DIS3L2: variants seen among roughly 807,000 people sequenced by gnomAD.
The protein encoded by DIS3L2 is DIS3 like 3'-5' exoribonuclease 2, also known as DIS3-like exonuclease 2.
Under a neutral mutation model 97.5 loss-of-function variants are expected in DIS3L2, and 34 were observed. The ratio of observed to expected loss-of-function variants is 0.35; its 90% CI spans 0.27 to 0.46. The LOEUF (loss-of-function observed/expected upper bound fraction) is 0.46, where lower values mean the gene tolerates loss of function less well. Among genes scored for constraint, DIS3L2 ranks in the 20% least tolerant of loss-of-function variants. The probability of loss-of-function intolerance (pLI) is 1.00; values close to 1 mark genes in which losing one functional copy is unlikely to be tolerated. For synonymous variants in DIS3L2, 435 were observed against 445.2 expected (o/e 0.98, Z 0.29); for missense variants, 1,038 against 1,146.0 (o/e 0.91, Z 1.36).
intron 14 of DIS3L2, among the ~76,000 whole-genome samples, chr2:232,300,340 T>C (rs1423476378): frequency 1.3e-5 from 2 of 152,166 alleles, no homozygotes; most frequent in East Asian, 3.9e-4. Context: ...AGTTGTGGTG[T>C]GTTAGAAGTA....
intron 10 of DIS3L2, among the ~76,000 whole-genome samples, chr2:232,223,180 C>G (rs1178682765): frequency 6.6e-6 from 1 of 152,172 alleles, no homozygotes. Context: ...GTCAGGCATC[C>G]TCAAGTATCT....
intron 5 of DIS3L2, among the ~76,000 whole-genome samples, chr2:232,031,542 G>A (rs1333851334): frequency 6.7e-6 from 1 of 148,668 alleles, no homozygotes. Context: ...GGATACATGT[G>A]CCGAATGAGC....
In DIS3L2 at chr2:232,122,592, C is replaced by T. The variant is rs544343233; in HGVS notation, c.602-8027C>T. On this transcript the variant is annotated intron_variant, in intron 6 of 20. Coordinates refer to ENST00000325385, the MANE Select transcript of DIS3L2 (RefSeq NM_152383.5). ...AATTAGCCGGGCGTGGTGGCAGGTG[C>T]CTGTAATCCCAGCTACTCGGGAGGC... Among the ~76,000 whole-genome samples the T allele has an allele frequency of 2.5e-4, 38 of 152,256 alleles. 1 individual carries two copies. The South Asian group carries it at 7.9e-3, about 32-fold the overall frequency.
At chr2:232,028,321 G>C (rs1694715722) in intron 4 of DIS3L2, among the ~76,000 whole-genome samples, 1 of 152,144 alleles carries the variant, frequency 6.6e-6, no homozygotes, top group African/African-American at 2.4e-5. Flanking sequence ...CTAAAAAAGT[G>C]GTTAAAAGAG....
At chr2:232,333,758 T>TG in intron 16 of DIS3L2, 82 bp from the exon 17 acceptor site, 96 of 1,401,596 alleles carry the variant, frequency 6.8e-5, no homozygotes, top group Admixed American at 2.8e-4. Flanking sequence ...CTGCCGACGG[T>TG]GAGGCTGTGG....
chr2:232,291,299 A>T (rs1694592849), intron 13 of DIS3L2, among the ~76,000 whole-genome samples: 2 of 152,408 alleles, frequency 1.3e-5, no homozygotes, highest in South Asian at 4.1e-4. Flanking sequence ...AAAACTCAAG[A>T]TCATCTCTGA....
intron 1 of DIS3L2, among the ~76,000 whole-genome samples, chr2:232,007,367 C>G (rs571945308): frequency 2.6e-4 from 40 of 152,142 alleles, no homozygotes; most frequent in Non-Finnish European, 5.1e-4. Flanking sequence ...GTTGATACTT[C>G]CGCTCTCAGT....
chr2:232,162,101 T>C (rs1574917572), intron 8 of DIS3L2, among the ~76,000 whole-genome samples: 1 of 152,362 alleles, frequency 6.6e-6, no homozygotes, highest in Middle Eastern at 3.4e-3. Flanking sequence ...TTTTTATTTC[T>C]TCTTTAACCT....
chr2:232,155,164 TGC>T (rs1690451663), intron 8 of DIS3L2, among the ~76,000 whole-genome samples: 1 of 144,310 alleles, frequency 6.9e-6, no homozygotes, highest in Non-Finnish European at 1.5e-5. Flanking sequence ...ACCCGTCTTC[TGC>T]GTCGCTCACG....
rs760452178 is a variant in DIS3L2 at position 232,210,360 on chromosome 2, G to T, written c.1159G>T (p.Ala387Ser). The T allele has an allele frequency of 5.6e-6, 9 of 1,613,466 alleles. No homozygotes were observed. The highest frequency in any genetic ancestry group is 1.1e-5 in the South Asian group (1 of 91,060). Reference protein sequence around the residue: ...DCIFTIDPSTARDLDDALSCK... With the variant: ...DCIFTIDPSTSRDLDDALSCK... ...TATCTTCACCATTGACCCATCAACC[G>T]CCCGAGACCTCGATGATGCCCTCTC... Residue 387 changes from alanine (A) to serine (S), a missense_variant, in exon 10 of 21, where the codon GCC (alanine) becomes TCC (serine). Around this residue, in one of 3 missense-constraint regions of DIS3L2, gnomAD observed 813 missense variants for 880.1 expected, o/e 0.92. Coordinates refer to ENST00000325385, the MANE Select transcript of DIS3L2 (RefSeq NM_152383.5).
chr2:232,052,171 C>T (rs1192701398), intron 5 of DIS3L2, among the ~76,000 whole-genome samples: 1 of 151,956 alleles, frequency 6.6e-6, no homozygotes, highest in Non-Finnish European at 1.5e-5. Flanking sequence ...TACAGATGCC[C>T]ATCACCATGT....
At chr2:232,147,619 G>C (rs924039568) in intron 8 of DIS3L2, among the ~76,000 whole-genome samples, 1 of 152,130 alleles carries the variant, frequency 6.6e-6, no homozygotes, top group Admixed American at 6.5e-5. Flanking sequence ...ACATAACATT[G>C]AATCATAGTT....
intron 10 of DIS3L2, among the ~76,000 whole-genome samples, chr2:232,237,529 A>C (rs1029473322): frequency 1.3e-5 from 2 of 152,152 alleles, no homozygotes; most frequent in African/African-American, 4.8e-5. Flanking sequence ...TATTTGCTGG[A>C]GCTTACATGG....
intron 13 of DIS3L2, among the ~76,000 whole-genome samples, chr2:232,298,034 A>G (rs1694763970): frequency 6.6e-6 from 1 of 152,114 alleles, no homozygotes; most frequent in Non-Finnish European, 1.5e-5. Flanking sequence ...CCTTTTTTAC[A>G]TAGTCTTCAT....
At chr2:232,022,776 G>C (rs1003166809) in intron 3 of DIS3L2, among the ~76,000 whole-genome samples, 2 of 152,154 alleles carry the variant, frequency 1.3e-5, no homozygotes, top group African/African-American at 4.8e-5. Context: ...CATGCTATTC[G>C]TTAGGAAATA....
At chr2:232,092,444 G>C (rs1355407846) in intron 6 of DIS3L2, among the ~76,000 whole-genome samples, 1 of 151,870 alleles carries the variant, frequency 6.6e-6, no homozygotes, top group Non-Finnish European at 1.5e-5. Context: ...TATGAAGAGT[G>C]TCATTGGTAT....
At chr2:232,134,210 A>G (rs1048403138) in intron 7 of DIS3L2, among the ~76,000 whole-genome samples, 1 of 152,156 alleles carries the variant, frequency 6.6e-6, no homozygotes, top group African/African-American at 2.4e-5. Flanking sequence ...CAAGAAGAAG[A>G]TTGAACATTC....
chr2:232,318,398 G>A (rs190151303), intron 14 of DIS3L2, among the ~76,000 whole-genome samples: 2 of 152,320 alleles, frequency 1.3e-5, no homozygotes, highest in East Asian at 1.9e-4. Flanking sequence ...AACATCATTC[G>A]TTTGCTTGTC....
At chr2:232,015,827 A>G in intron 3 of DIS3L2, 156 bp downstream of exon 3, 1 of 747,170 alleles carries the variant, frequency 1.3e-6, no homozygotes. Flanking sequence ...ATGAGGTAAC[A>G]GATTCTTCTT....
Sources: allele counts gnomAD v4.1 joint callset (sites outside exome capture counted in the v4.1 genomes callset), GRCh38; gene constraint gnomAD v4.1.1; regional missense constraint gnomAD v4.1.1; transcripts MANE v1.5; gene names NCBI Gene and HGNC (gene_info 2026-07-23, HGNC 2026-07-21).